CSMD1: variants seen among roughly 807,000 people sequenced by gnomAD.
The protein encoded by CSMD1 is CUB and Sushi multiple domains 1.
A neutral mutation model predicts 417.5 loss-of-function variants in CSMD1; 213 were observed. That is an observed-to-expected ratio of 0.51 (90% CI 0.46 to 0.57). The LOEUF (loss-of-function observed/expected upper bound fraction) is 0.57. CSMD1 is among the 20% of genes least tolerant of loss of function. CSMD1 has a pLI of 0.00. For missense variants in CSMD1, 6,923 were observed against 4,529.7 expected (o/e 1.53, Z -15.17); for synonymous variants, 2,862 against 1,736.8 (o/e 1.65, Z -16.11).
At chr8:4,311,183 T>A (rs1798542833) in intron 3 of CSMD1, among the ~76,000 whole-genome samples, 1 of 152,150 alleles carries the variant, frequency 6.6e-6, no homozygotes, top group African/African-American at 2.4e-5. Flanking sequence ...CATTCCACCA[T>A]AAAGACACAT....
intron 5 of CSMD1, among the ~76,000 whole-genome samples, chr8:3,793,483 G>C (rs1313615874): frequency 2.0e-5 from 3 of 146,470 alleles, no homozygotes; most frequent in Non-Finnish European, 4.5e-5. Context: ...ATCCAGCCAA[G>C]CCAGCCCTCT....
chr8:3,858,005 A>G (rs568271707), intron 5 of CSMD1, among the ~76,000 whole-genome samples: 1 of 152,338 alleles, frequency 6.6e-6, no homozygotes, highest in Non-Finnish European at 1.5e-5. Flanking sequence ...TCTGCACAAG[A>G]TTGCTCTGCA....
At chr8:4,242,067 C>T (rs1802437329) in intron 3 of CSMD1, among the ~76,000 whole-genome samples, 1 of 152,144 alleles carries the variant, frequency 6.6e-6, no homozygotes, top group Non-Finnish European at 1.5e-5. Context: ...GGTAAATTAA[C>T]CTTTATCACC....
chr8:3,816,331 A>G (rs1801363685), intron 5 of CSMD1, among the ~76,000 whole-genome samples: 1 of 152,174 alleles, frequency 6.6e-6, no homozygotes, highest in African/African-American at 2.4e-5. Context: ...AGCTACCCAC[A>G]GTCAACCACT....
At chr8:3,861,834 A>G (rs1383534998) in intron 5 of CSMD1, among the ~76,000 whole-genome samples, 1 of 152,172 alleles carries the variant, frequency 6.6e-6, no homozygotes, top group African/African-American at 2.4e-5. Context: ...TGACCTATGA[A>G]GCCACTGGCT....
chr8:4,687,463 A>C (rs1200009604), intron 1 of CSMD1, among the ~76,000 whole-genome samples: 1 of 152,226 alleles, frequency 6.6e-6, no homozygotes, highest in Non-Finnish European at 1.5e-5. Context: ...CACTAAGTCC[A>C]CCTGATCAAT....
chr8:3,496,541 T>A (rs1796372435), intron 10 of CSMD1, among the ~76,000 whole-genome samples: 1 of 152,188 alleles, frequency 6.6e-6, no homozygotes, highest in African/African-American at 2.4e-5. Flanking sequence ...CTATATCTCA[T>A]AGGTTTTGGT....
intron 9 of CSMD1, among the ~76,000 whole-genome samples, chr8:3,578,654 G>A (rs1800253757): frequency 6.6e-6 from 1 of 152,082 alleles, no homozygotes; most frequent in Non-Finnish European, 1.5e-5. Context: ...CTTCACTCAT[G>A]GACTCTGCTG....
At chr8:4,583,063 C>T (rs373361114) in intron 2 of CSMD1, among the ~76,000 whole-genome samples, 20 of 152,328 alleles carry the variant, frequency 1.3e-4, no homozygotes, top group African/African-American at 4.6e-4. Context: ...GCTGCCTTCC[C>T]GCGGGGCAGG....
chr8:4,099,826 A>G (rs2059398), intron 3 of CSMD1, among the ~76,000 whole-genome samples: 57,570 of 151,976 alleles, frequency 0.38, 11,185 homozygotes, highest in East Asian at 0.45. Context: ...GATTGTATCC[A>G]CATCTTGCTC....
intron 7 of CSMD1, among the ~76,000 whole-genome samples, chr8:3,666,490 C>A (rs1224443829): frequency 4.0e-5 from 6 of 150,400 alleles, no homozygotes. Flanking sequence ...ATGCACAGGG[C>A]CAGGATCTAC....
chr8:4,749,417 G>A (rs2117041396), intron 1 of CSMD1, among the ~76,000 whole-genome samples: 2 of 152,352 alleles, frequency 1.3e-5, no homozygotes, highest in East Asian at 3.9e-4. Context: ...TTCTGAAGGT[G>A]TTTAGAGGTA....
chr8:3,801,590 T>C (rs1800463467), intron 5 of CSMD1, among the ~76,000 whole-genome samples: 2 of 152,042 alleles, frequency 1.3e-5, no homozygotes, highest in Non-Finnish European at 2.9e-5. Context: ...AAATTACTGT[T>C]ACCCTGTGAG....
chr8:4,431,226 C>T (rs1410036387), intron 2 of CSMD1, among the ~76,000 whole-genome samples: 1 of 152,078 alleles, frequency 6.6e-6, no homozygotes, highest in South Asian at 2.1e-4. Flanking sequence ...ATCTCAACAA[C>T]ATTAAAAAAA....
chr8:3,047,619 C>T (rs947019956), intron 50 of CSMD1, among the ~76,000 whole-genome samples: 2 of 152,164 alleles, frequency 1.3e-5, no homozygotes, highest in African/African-American at 2.4e-5. Flanking sequence ...TGTTTGCTCC[C>T]GTCTTTTCGA....
At chr8:4,398,656 A>G (rs958384941) in intron 3 of CSMD1, among the ~76,000 whole-genome samples, 3 of 152,180 alleles carry the variant, frequency 2.0e-5, no homozygotes, top group South Asian at 2.1e-4. Flanking sequence ...TGGCCTCCCA[A>G]AGTGCTGGGA....
At chr8:4,905,744 C>A (rs927560539) in intron 1 of CSMD1, among the ~76,000 whole-genome samples, 2 of 140,786 alleles carry the variant, frequency 1.4e-5, no homozygotes, top group African/African-American at 5.2e-5. Flanking sequence ...GGCGTGAAAC[C>A]GGGAGGCGGA....
intron 42 of CSMD1, among the ~76,000 whole-genome samples, chr8:3,112,371 A>C (rs1816570378): frequency 6.6e-6 from 1 of 152,162 alleles, no homozygotes; most frequent in Non-Finnish European, 1.5e-5. Flanking sequence ...ACATAACCAC[A>C]TTATATATAG....
intron 23 of CSMD1, among the ~76,000 whole-genome samples, chr8:3,316,368 T>C (rs1805759514): frequency 1.3e-5 from 2 of 152,124 alleles, no homozygotes; most frequent in African/African-American, 4.8e-5. Context: ...TGGGGCATGG[T>C]GGGAAGAGTA....
Sources: gnomAD v4.1 joint callset for allele counts (sites outside exome capture counted in the v4.1 genomes callset) on GRCh38, gnomAD v4.1.1 for gene constraint, MANE v1.5 for transcripts, NCBI Gene and HGNC (gene_info 2026-07-23, HGNC 2026-07-21) for gene names.